Variants in CADM2 observed in about 807,000 individuals in gnomAD.
The protein encoded by CADM2 is cell adhesion molecule 2, also known as immunoglobulin superfamily member 4D.
In CADM2, 12 loss-of-function variants were observed where a neutral mutation model predicts 49.8. That is an observed-to-expected ratio of 0.24 (90% confidence interval 0.15 to 0.39). The LOEUF (loss-of-function observed/expected upper bound fraction) is 0.39, where lower values mean the gene tolerates loss of function less well. Ranked by LOEUF, CADM2 falls within the 10% of genes least tolerant of loss-of-function variation. CADM2 has a pLI of 1.00. For synonymous variants in CADM2, 214 were observed against 175.4 expected (o/e 1.22, Z -1.74); for missense variants, 378 against 492.3 (o/e 0.77, Z 2.20).
chr3:85,200,677 G>T (rs1315054310), intron 1 of CADM2, among the ~76,000 whole-genome samples: 2 of 152,066 alleles, frequency 1.3e-5, no homozygotes, highest in African/African-American at 4.8e-5. Context: ...ATTCTAAACA[G>T]GCTAAGTGGT....
intron 1 of CADM2, among the ~76,000 whole-genome samples, chr3:85,601,463 A>C (rs2063402176): frequency 6.6e-6 from 1 of 151,252 alleles, no homozygotes; most frequent in Non-Finnish European, 1.5e-5. Flanking sequence ...CTGAATGTGT[A>C]ACATCACATA....
chr3:86,030,424 G>A (rs1734421599), intron 8 of CADM2, among the ~76,000 whole-genome samples: 1 of 151,866 alleles, frequency 6.6e-6, no homozygotes, highest in South Asian at 2.1e-4. Context: ...TTATAGACAT[G>A]TAATTCAGTG....
At chr3:85,513,227 A>G (rs2060814530) in intron 1 of CADM2, among the ~76,000 whole-genome samples, 1 of 151,960 alleles carries the variant, frequency 6.6e-6, no homozygotes, top group African/African-American at 2.4e-5. Context: ...AACCAAAATT[A>G]GTTCTTTTTG....
chr3:85,521,243 A>G (rs2167048), intron 1 of CADM2, among the ~76,000 whole-genome samples: 45,085 of 151,984 alleles, frequency 0.3, 7,942 homozygotes, highest in East Asian at 0.55. Flanking sequence ...TGGATGTGCC[A>G]CAGTAATATA....
At chr3:85,752,476 A>G (rs1448685718) in intron 2 of CADM2, among the ~76,000 whole-genome samples, 3 of 107,792 alleles carry the variant, frequency 2.8e-5, no homozygotes, top group Admixed American at 8.8e-5. Flanking sequence ...GTGCGTGCAC[A>G]CACACACACA....
chr3:85,774,111 AT>A (rs531241587), intron 2 of CADM2, among the ~76,000 whole-genome samples: 14 of 150,176 alleles, frequency 9.3e-5, no homozygotes, highest in African/African-American at 2.7e-4. Flanking sequence ...TTTCCTCTTC[AT>A]TTTTTTTTAA....
intron 8 of CADM2, among the ~76,000 whole-genome samples, chr3:85,976,826 T>C (rs1015060872): frequency 2.6e-4 from 40 of 151,682 alleles, no homozygotes; most frequent in Admixed American, 6.6e-4. Context: ...TAAATAATAA[T>C]TTGTAATGTT....
chr3:85,385,996 A>G (rs933602924), intron 1 of CADM2, among the ~76,000 whole-genome samples: 16 of 152,184 alleles, frequency 1.1e-4, no homozygotes, highest in African/African-American at 3.4e-4. Context: ...TATATTTAAA[A>G]CAAATAAATA....
chr3:85,896,137 A>G (rs1577594032), intron 5 of CADM2, among the ~76,000 whole-genome samples: 2 of 152,056 alleles, frequency 1.3e-5, no homozygotes, highest in East Asian at 3.9e-4. Context: ...CAAAAAATTT[A>G]AAAATTAGCT....
chr3:85,716,736 C>A (rs1437817175), intron 1 of CADM2, among the ~76,000 whole-genome samples: 2 of 152,086 alleles, frequency 1.3e-5, no homozygotes, highest in African/African-American at 4.8e-5. Flanking sequence ...TTTCCCAACA[C>A]CATTTATTAA....
At chr3:86,058,159 C>A (rs950695747) in intron 8 of CADM2, among the ~76,000 whole-genome samples, 1 of 152,180 alleles carries the variant, frequency 6.6e-6, no homozygotes. Context: ...TCCATCTAAT[C>A]TCATGTTATG....
In CADM2 at chr3:85,920,563, T is replaced by A. The variant is rs557880021; in HGVS notation, c.700+8020T>A. On this transcript the variant is annotated intron_variant, in intron 6 of 9. Coordinates refer to ENST00000383699, the MANE Select transcript of CADM2 (RefSeq NM_001167675.2). The stretch of plus-strand genomic sequence containing the variant: ...GACCACTATTTGAGATTCTAAAAAA[T>A]TTTTAATTTTTTTCAGAGAAGTTAC... Among the ~76,000 whole-genome samples, 13 of 151,928 alleles carry A rather than the reference T, an allele frequency of 8.6e-5. No homozygotes were observed. The South Asian group carries it at 1.9e-3, about 22-fold the overall frequency.
At chr3:85,239,196 A>G (rs2042475295) in intron 1 of CADM2, among the ~76,000 whole-genome samples, 1 of 151,866 alleles carries the variant, frequency 6.6e-6, no homozygotes, top group Admixed American at 6.6e-5. Flanking sequence ...TCTAATTCTT[A>G]GTTATTATAA....
chr3:85,008,230 AT>A (rs555563362), intron 1 of CADM2, among the ~76,000 whole-genome samples: 9 of 152,108 alleles, frequency 5.9e-5, no homozygotes, highest in African/African-American at 9.6e-5. Flanking sequence ...TCGATATGTG[AT>A]TTTTTTCTAT....
At chr3:85,435,012 A>G (rs920132712) in intron 1 of CADM2, among the ~76,000 whole-genome samples, 1 of 151,946 alleles carries the variant, frequency 6.6e-6, no homozygotes, top group Non-Finnish European at 1.5e-5. Flanking sequence ...TTTATCATTT[A>G]TTTTATTTTA....
intron 1 of CADM2, among the ~76,000 whole-genome samples, chr3:85,338,645 TA>T (rs1168578744): frequency 6.6e-6 from 1 of 151,564 alleles, no homozygotes; most frequent in Non-Finnish European, 1.5e-5. Flanking sequence ...TACATCTTCA[TA>T]TAGATTATTT....
At chr3:85,810,880 G>T (rs1270369071) in intron 3 of CADM2, among the ~76,000 whole-genome samples, 1 of 152,110 alleles carries the variant, frequency 6.6e-6, no homozygotes, top group Non-Finnish European at 1.5e-5. Flanking sequence ...TTTTGCTGAA[G>T]ATGAAGCCAT....
rs905287959 is a variant in CADM2, at chr3:85,895,285, T to C, written c.529+8958T>C. Reference sequence around the variant, plus strand: ...ATCAGTGCGACCTGAATGTGAGACATAGAGTCAAAGGAGATCATTTCAGAG... The same window carrying C: ...ATCAGTGCGACCTGAATGTGAGACACAGAGTCAAAGGAGATCATTTCAGAG... On this transcript the variant is annotated intron_variant, in intron 5 of 9. Transcript: ENST00000383699. Among the ~76,000 whole-genome samples, 30 of 152,294 alleles carry C rather than the reference T, an allele frequency of 2.0e-4. No individual in the cohort carries two copies. The South Asian group carries it at 2.5e-3, about 13-fold the overall frequency.
intron 1 of CADM2, among the ~76,000 whole-genome samples, chr3:85,233,824 T>C (rs962744240): frequency 2.0e-5 from 3 of 152,108 alleles, no homozygotes; most frequent in African/African-American, 4.8e-5. Flanking sequence ...AATTAGAGTA[T>C]ATGAGTAGTC....
Sources: gnomAD v4.1 joint callset for allele counts (sites outside exome capture counted in the v4.1 genomes callset) on GRCh38, gnomAD v4.1.1 for gene constraint, MANE v1.5 for transcripts, NCBI Gene and HGNC (gene_info 2026-07-23, HGNC 2026-07-21) for gene names.